FRMD5: variants seen among roughly 807,000 people sequenced by gnomAD.
The protein encoded by FRMD5 is FERM domain-containing protein 5.
Under a neutral mutation model 69.0 loss-of-function variants are expected in FRMD5, and 20 were observed. The ratio of observed to expected loss-of-function variants is 0.29; its 90% CI spans 0.20 to 0.42. The LOEUF (loss-of-function observed/expected upper bound fraction) is 0.42, where lower values mean the gene tolerates loss of function less well. FRMD5 is among the 10% of genes least tolerant of loss of function. FRMD5 has a pLI of 1.00. For missense variants in FRMD5, 595 were observed against 708.6 expected (o/e 0.84, Z 1.82); for synonymous variants, 271 against 260.1 (o/e 1.04, Z -0.40).
upstream of FRMD5, among the ~76,000 whole-genome samples, chr15:44,195,463 C>T (rs1191792039): frequency 6.6e-6 from 1 of 152,246 alleles, no homozygotes; most frequent in African/African-American, 2.4e-5. Flanking sequence ...CGGAGCAGCC[C>T]TCTAGCGTCC....
chr15:44,062,226 T>C (rs192609661), intron 1 of FRMD5, among the ~76,000 whole-genome samples: 1 of 152,312 alleles, frequency 6.6e-6, no homozygotes, highest in East Asian at 1.9e-4. Flanking sequence ...CTTTAAAAAG[T>C]TCATGTTTAT....
intron 1 of FRMD5, among the ~76,000 whole-genome samples, chr15:44,118,403 A>G (rs989818316): frequency 6.6e-6 from 1 of 152,168 alleles, no homozygotes; most frequent in Admixed American, 6.5e-5. Context: ...AATCCAGAAC[A>G]TATTTGTGGT....
At chr15:43,922,036 G>C (rs2089502885) in intron 2 of FRMD5, among the ~76,000 whole-genome samples, 1 of 152,132 alleles carries the variant, frequency 6.6e-6, no homozygotes, top group South Asian at 2.1e-4. Flanking sequence ...TGAATCAGTG[G>C]ACTAAGGACA....
At chr15:44,024,212 C>T (rs1435401261) in intron 1 of FRMD5, among the ~76,000 whole-genome samples, 1 of 151,788 alleles carries the variant, frequency 6.6e-6, no homozygotes, top group East Asian at 1.9e-4. Context: ...TGTTTTAACT[C>T]CCTATGATTT....
chr15:44,012,770 T>G (rs1310567366), intron 1 of FRMD5, among the ~76,000 whole-genome samples: 1 of 149,112 alleles, frequency 6.7e-6, no homozygotes, highest in Admixed American at 6.7e-5. Context: ...GGTTTTTTTT[T>G]TTTTTTTTTT....
intron 13 of FRMD5, among the ~76,000 whole-genome samples, chr15:43,882,248 TTC>T (rs1435019424): frequency 2.6e-5 from 4 of 152,164 alleles, no homozygotes; most frequent in South Asian, 2.1e-4. Flanking sequence ...TACGTAGAAT[TTC>T]TCTCTCTTCC....
At chr15:44,119,023 C>T (rs183792330) in intron 1 of FRMD5, among the ~76,000 whole-genome samples, 53 of 152,248 alleles carry the variant, frequency 3.5e-4, no homozygotes, top group African/African-American at 1.2e-3. Context: ...AGTGCAATGG[C>T]GTGATCACAG....
chr15:43,969,296 T>C (rs2090341436), intron 1 of FRMD5, among the ~76,000 whole-genome samples: 1 of 152,004 alleles, frequency 6.6e-6, no homozygotes, highest in African/African-American at 2.4e-5. Flanking sequence ...GGCCCAGCCT[T>C]GTCTCACACT....
intron 1 of FRMD5, among the ~76,000 whole-genome samples, chr15:44,193,871 A>T (rs2078236088): frequency 6.6e-6 from 1 of 152,258 alleles, no homozygotes; most frequent in African/African-American, 2.4e-5. Flanking sequence ...GGTAGGACCC[A>T]GGCCGACAGT....
chr15:44,000,433 G>A (rs1215647852), intron 1 of FRMD5, among the ~76,000 whole-genome samples: 1 of 151,982 alleles, frequency 6.6e-6, no homozygotes, highest in African/African-American at 2.4e-5. Flanking sequence ...CCCAGAAGTG[G>A]GATTGCTGGA....
chr15:43,970,744 T>C (rs908415091), intron 1 of FRMD5, among the ~76,000 whole-genome samples: 1 of 152,196 alleles, frequency 6.6e-6, no homozygotes, highest in African/African-American at 2.4e-5. Flanking sequence ...TGAGCCACCG[T>C]ACCTGCCATA....
Position 43,874,311 on chromosome 15 carries a change from G to GCTGT in FRMD5, c.1283_1286dup (p.Ser429ArgfsTer10). The GCTGT allele has an allele frequency of 6.2e-7, 1 of 1,614,186 alleles. No homozygotes were observed. The highest frequency in any genetic ancestry group is 8.5e-7 in the Non-Finnish European group (1 of 1,180,040). On this transcript the variant is annotated frameshift_variant, in exon 14 of 14. Coordinates refer to ENST00000417257, the MANE Select transcript of FRMD5 (RefSeq NM_032892.5). LOFTEE classifies it high-confidence loss of function. ...GCTCAGCCACAGGGGTGGGCAGCACGCTGTCTGCAGGGCTGTAGGCCTCGT... is the reference window on the plus strand; with the variant it reads ...GCTCAGCCACAGGGGTGGGCAGCACGCTGTCTGTCTGCAGGGCTGTAGGCCTCGT...
In FRMD5 at chr15:43,982,136, T is replaced by C. The variant is rs187616359; in HGVS notation, c.103-57827A>G. 3.8e-3 allele frequency among the ~76,000 whole-genome samples: 584 copies of C among 152,326 alleles called. 2 individuals are homozygous for C. The highest frequency in any genetic ancestry group is 0.027 in the Middle Eastern group (8 of 294). On this transcript the variant is annotated intron_variant, in intron 1 of 13. Transcript: ENST00000417257. ...TTCTCGTCCATAGGGTTGACATCCT[T>C]CCATACAGTTCTGTGTGAAATGAGC...
chr15:44,012,676 C>T lies in FRMD5; in HGVS notation c.103-88367G>A, dbSNP rs141777909. On this transcript the variant is annotated intron_variant, in intron 1 of 13. Transcript: ENST00000417257. Reference sequence around the variant, plus strand: ...CCAATCTCAATTAACAGGGGGTACACTTGCAGGGTACATAAGTATAATCTG... The same window carrying T: ...CCAATCTCAATTAACAGGGGGTACATTTGCAGGGTACATAAGTATAATCTG... Among the ~76,000 whole-genome samples the T allele has an allele frequency of 1.4e-3, 217 of 151,540 alleles. 2 individuals carry two copies. Among genetic ancestry groups the T allele is most frequent in the African/African-American group, 5.1e-3 (212 of 41,246 alleles).
chr15:44,173,717 T>C (rs1425805963), intron 1 of FRMD5, among the ~76,000 whole-genome samples: 1 of 152,094 alleles, frequency 6.6e-6, no homozygotes, highest in Non-Finnish European at 1.5e-5. Flanking sequence ...TTTCACCATG[T>C]TGCCCAGGCT....
At chr15:44,088,961 C>T (rs17505315) in intron 1 of FRMD5, among the ~76,000 whole-genome samples, 3,728 of 152,272 alleles carry the variant, frequency 0.024, 76 homozygotes, top group East Asian at 0.065. Flanking sequence ...GTCAAAGTGG[C>T]TTATTCTTCA....
At chr15:44,169,029 T>C (rs2077756602) in intron 1 of FRMD5, among the ~76,000 whole-genome samples, 2 of 152,248 alleles carry the variant, frequency 1.3e-5, no homozygotes, top group Admixed American at 6.5e-5. Context: ...TGTGTTCACG[T>C]GCAATCATTG....
chr15:44,195,149 C>A lies in FRMD5; in HGVS notation c.-95G>T, dbSNP rs1004463437. On this transcript the variant is annotated 5_prime_UTR_variant, in exon 1 of 14. In the 5' UTR this introduces an upstream ATG that the reference lacks. Coordinates refer to ENST00000417257, the MANE Select transcript of FRMD5 (RefSeq NM_032892.5). Reference sequence around the variant, plus strand: ...GCAGCTCCGCACCGACCCCAGGCACCTGCACCATCACCCCGGCCCCGTCGC... The same window carrying A: ...GCAGCTCCGCACCGACCCCAGGCACATGCACCATCACCCCGGCCCCGTCGC... 3.2e-5 allele frequency: 30 copies of A among 943,602 alleles called. No individual in the cohort carries two copies. Among genetic ancestry groups the A allele is most frequent in the Admixed American group, 5.8e-5 (2 of 34,536 alleles). The allele number at this position is 943,602 out of a possible 1,614,324, so 58.5% of individuals were successfully genotyped here. A position where few individuals can be genotyped will look rare whatever the true frequency, so the allele number is the denominator to read the frequency against.
chr15:44,114,396 A>T (rs1566953014), intron 1 of FRMD5, among the ~76,000 whole-genome samples: 1 of 152,196 alleles, frequency 6.6e-6, no homozygotes, highest in Admixed American at 6.5e-5. Context: ...GTGTTCACCA[A>T]GCCACTTTCT....
Sources: gnomAD v4.1 joint callset for allele counts (sites outside exome capture counted in the v4.1 genomes callset) on GRCh38, gnomAD v4.1.1 for gene constraint, MANE v1.5 for transcripts, NCBI Gene and HGNC (gene_info 2026-07-23, HGNC 2026-07-21) for gene names.